Variants in QTMAN observed in about 807,000 individuals in gnomAD.
The protein encoded by QTMAN is tRNA-queuosine alpha-mannosyltransferase.
At chr2:144,133,494 T>TTA in the QTMAN span, among the ~76,000 whole-genome samples, 5 of 77,694 alleles carry the variant, frequency 6.4e-5, no homozygotes, top group Admixed American at 9.4e-4. Context: ...AAAATATATA[T>TTA]TATATAATAT....
At chr2:144,158,260 C>T in the QTMAN span, among the ~76,000 whole-genome samples, 1 of 152,000 alleles carries the variant, frequency 6.6e-6, no homozygotes, top group Non-Finnish European at 1.5e-5. Flanking sequence ...AAAACTAAGA[C>T]TGTCACAAAA....
chr2:144,173,349 T>G, the QTMAN span, among the ~76,000 whole-genome samples: 30 of 152,292 alleles, frequency 2.0e-4, no homozygotes, highest in African/African-American at 6.5e-4. Context: ...TGTATGTGAT[T>G]ACATTACATA....
the QTMAN span, among the ~76,000 whole-genome samples, chr2:144,244,593 A>G: frequency 6.6e-5 from 10 of 152,216 alleles, no homozygotes. Flanking sequence ...TTAAACTAGG[A>G]TACTAATATT....
At chr2:143,971,719 CTTCT>C in the QTMAN span, among the ~76,000 whole-genome samples, 3 of 152,018 alleles carry the variant, frequency 2.0e-5, no homozygotes, top group Admixed American at 6.5e-5. Flanking sequence ...AGAATTTTAG[CTTCT>C]TTTTTACATT....
At chr2:144,181,446 G>A in the QTMAN span, among the ~76,000 whole-genome samples, 1 of 152,168 alleles carries the variant, frequency 6.6e-6, no homozygotes, top group African/African-American at 2.4e-5. Context: ...TTATTCAAAT[G>A]TATTTACATA....
the QTMAN span, among the ~76,000 whole-genome samples, chr2:144,090,758 C>T: frequency 3.7e-3 from 563 of 152,028 alleles, 2 homozygotes; most frequent in Admixed American, 6.9e-3. Context: ...ACTGTTAATA[C>T]GTCGTGTCTC....
the QTMAN span, among the ~76,000 whole-genome samples, chr2:144,306,700 A>G: frequency 6.6e-6 from 1 of 152,202 alleles, no homozygotes; most frequent in African/African-American, 2.4e-5. Flanking sequence ...ACACATCCAC[A>G]AATCAACAAC....
the QTMAN span, among the ~76,000 whole-genome samples, chr2:144,189,776 G>C: frequency 6.6e-6 from 1 of 151,722 alleles, no homozygotes; most frequent in African/African-American, 2.4e-5. Flanking sequence ...CTCGCCACCA[G>C]GTCTGGCTAA....
At chr2:144,323,575 C>T in the QTMAN span, among the ~76,000 whole-genome samples, 1 of 152,096 alleles carries the variant, frequency 6.6e-6, no homozygotes, top group Non-Finnish European at 1.5e-5. Flanking sequence ...TGGTTTTTAC[C>T]TCATGGACAC....
At chr2:144,092,092 T>C in the QTMAN span, among the ~76,000 whole-genome samples, 7 of 152,112 alleles carry the variant, frequency 4.6e-5, no homozygotes, top group African/African-American at 1.7e-4. Context: ...AGGAAGCTTT[T>C]AGAGTGATGG....
chr2:144,110,691 A>ACCCC, the QTMAN span, among the ~76,000 whole-genome samples: 1 of 139,042 alleles, frequency 7.2e-6, no homozygotes, highest in Admixed American at 7.3e-5. Context: ...CCCCCCCCAA[A>ACCCC]AAAAAAAAAC....
chr2:144,002,662 C>A, the QTMAN span, among the ~76,000 whole-genome samples: 1 of 151,802 alleles, frequency 6.6e-6, no homozygotes, highest in Admixed American at 6.6e-5. Flanking sequence ...ATTTGGTGAA[C>A]CTGTGTTTCC....
the QTMAN span, among the ~76,000 whole-genome samples, chr2:143,948,641 AG>A: frequency 6.6e-6 from 1 of 152,140 alleles, no homozygotes; most frequent in Non-Finnish European, 1.5e-5. Flanking sequence ...TATAATGATC[AG>A]GGTTCTCTAA....
the QTMAN span, among the ~76,000 whole-genome samples, chr2:144,282,989 G>T: frequency 6.6e-6 from 1 of 152,206 alleles, no homozygotes; most frequent in African/African-American, 2.4e-5. Flanking sequence ...CCCCAGTCCA[G>T]AGGGAAAGAA....
At chr2:143,987,776 A>G in the QTMAN span, among the ~76,000 whole-genome samples, 1 of 152,208 alleles carries the variant, frequency 6.6e-6, no homozygotes, top group Non-Finnish European at 1.5e-5. Context: ...ACAAACAATT[A>G]TTTATTTCTA....
At chr2:143,952,984 A>G in the QTMAN span, 1 of 610,110 alleles carries the variant, frequency 1.6e-6, no homozygotes, top group Non-Finnish European at 3.0e-6. Flanking sequence ...GTATAATTCT[A>G]AAAGCCAAAG....
the QTMAN span, among the ~76,000 whole-genome samples, chr2:144,191,114 T>C: frequency 2.0e-5 from 3 of 152,206 alleles, no homozygotes; most frequent in Admixed American, 1.3e-4. Flanking sequence ...ATTGCCACTG[T>C]GTCATGGAAA....
the QTMAN span, among the ~76,000 whole-genome samples, chr2:144,255,521 G>A: frequency 2.6e-5 from 4 of 152,098 alleles, no homozygotes; most frequent in African/African-American, 7.2e-5. Flanking sequence ...ACCCAGTCTC[G>A]GGTATTTCTT....
At chr2:143,952,057 A>G in the QTMAN span, 3 of 1,601,252 alleles carry the variant, frequency 1.9e-6, no homozygotes, top group Non-Finnish European at 2.6e-6. Flanking sequence ...GTTCAGGTGT[A>G]GAATACAGAT....
Sources: gnomAD v4.1 joint callset for allele counts (sites outside exome capture counted in the v4.1 genomes callset) on GRCh38, gnomAD v4.1.1 for gene constraint, MANE v1.5 for transcripts, NCBI Gene and HGNC (gene_info 2026-07-23, HGNC 2026-07-21) for gene names.